The following TFEC variants were observed in gnomAD, a reference collection of about 807,000 sequenced individuals.
TFEC encodes class E basic helix-loop-helix protein 34.
Under a neutral mutation model 41.6 loss-of-function variants are expected in TFEC, and 31 were observed. The ratio of observed to expected loss-of-function variants is 0.74; its 90% CI spans 0.56 to 1.01. TFEC has a LOEUF of 1.01. Among genes scored for constraint, TFEC ranks in the 50% least tolerant of loss-of-function variants. The pLI is 0.00. For missense variants in TFEC, 402 were observed against 404.1 expected (o/e 0.99, Z 0.04); for synonymous variants, 143 against 140.6 (o/e 1.02, Z -0.12).
chr7:116,062,176 T>G (rs575417187), intron 3 of TFEC, among the ~76,000 whole-genome samples: 53 of 140,746 alleles, frequency 3.8e-4, no homozygotes, highest in African/African-American at 1.0e-3. Context: ...TTCTTGTGCC[T>G]CAGCCTCCCA....
chr7:116,072,497 C>A (rs1337773082), intron 3 of TFEC, among the ~76,000 whole-genome samples: 1 of 151,574 alleles, frequency 6.6e-6, no homozygotes, highest in Non-Finnish European at 1.5e-5. Context: ...CTAATGAAAG[C>A]AGATATTTAT....
intron 3 of TFEC, among the ~76,000 whole-genome samples, chr7:116,081,298 C>G (rs941159432): frequency 6.7e-6 from 1 of 150,194 alleles, no homozygotes; most frequent in Non-Finnish European, 1.5e-5. Context: ...GCACCAAAAT[C>G]TCAGAAATAA....
rs754785513 is a variant in TFEC, at chr7:116,118,400, G to A, written c.-68-6362C>T. Among the ~76,000 whole-genome samples the A allele has an allele frequency of 7.2e-5, 11 of 151,846 alleles. No homozygotes were observed. In the East Asian group the frequency reaches 9.7e-4, roughly 13 times the overall value. On this transcript the variant is annotated intron_variant, in intron 1 of 8. Transcript: ENST00000484212. ...TTTTTATTAAGCTCTTCAATAAAAC[G>A]TTTGTATTCAGTTATGTATAAAAAA...
intron 3 of TFEC, among the ~76,000 whole-genome samples, chr7:116,065,970 G>A (rs565846719): frequency 6.6e-6 from 1 of 152,208 alleles, no homozygotes; most frequent in South Asian, 2.1e-4. Context: ...ACCCGATTGA[G>A]GTTATTGGAT....
intron 3 of TFEC, among the ~76,000 whole-genome samples, chr7:116,052,805 C>T (rs1796343438): frequency 6.6e-6 from 1 of 151,682 alleles, no homozygotes; most frequent in Non-Finnish European, 1.5e-5. Flanking sequence ...CGCAGTGGCT[C>T]ACGCCTGTAA....
rs144630756 is a variant in TFEC at position 115,956,411 on chromosome 7, A to G, written c.382+268T>C. Reference sequence around the variant, plus strand: ...AGCTGTCTTTTATATATGTATGTATATATGTGTGTATATACATGTATATAT... The same window carrying G: ...AGCTGTCTTTTATATATGTATGTATGTATGTGTGTATATACATGTATATAT... On this transcript the variant is annotated intron_variant, in intron 4 of 7. Transcript: ENST00000265440. 3.1e-3 allele frequency among the ~76,000 whole-genome samples: 471 copies of G among 152,036 alleles called. 9 individuals carry two copies. The highest frequency in any genetic ancestry group is 0.026 in the Admixed American group (394 of 15,214).
chr7:116,080,976 A>AGTGTGTGTGTGTGT (rs60317630), intron 3 of TFEC, among the ~76,000 whole-genome samples: 23 of 138,014 alleles, frequency 1.7e-4, no homozygotes, highest in African/African-American at 5.7e-4. Context: ...AAGAAAATGT[A>AGTGTGTGTGTGTGT]GTGTGTGTGT....
chr7:116,042,992 G>A (rs1796076311), intron 3 of TFEC, among the ~76,000 whole-genome samples: 1 of 152,098 alleles, frequency 6.6e-6, no homozygotes, highest in Non-Finnish European at 1.5e-5. Context: ...TAAAACTTGA[G>A]TCTTTGTACT....
At chr7:116,036,576 G>A (rs1013925612) in intron 3 of TFEC, among the ~76,000 whole-genome samples, 2 of 151,964 alleles carry the variant, frequency 1.3e-5, no homozygotes, top group Admixed American at 1.3e-4. Flanking sequence ...TTACATTAGT[G>A]TTCCCATCAA....
intron 3 of TFEC, among the ~76,000 whole-genome samples, chr7:115,968,902 C>T (rs1424010647): frequency 1.3e-5 from 2 of 151,832 alleles, no homozygotes; most frequent in Non-Finnish European, 2.9e-5. Context: ...TAGGCAATAA[C>T]AGTCTCTATC....
intron 3 of TFEC, among the ~76,000 whole-genome samples, chr7:116,068,147 A>T (rs1045968189): frequency 1.3e-5 from 2 of 151,902 alleles, no homozygotes; most frequent in South Asian, 4.1e-4. Flanking sequence ...CTGCAAAATG[A>T]AATAACAATT....
At chr7:115,947,555 A>G (rs541284790) in intron 6 of TFEC, among the ~76,000 whole-genome samples, 13 of 151,466 alleles carry the variant, frequency 8.6e-5, no homozygotes, top group Non-Finnish European at 1.8e-4. Flanking sequence ...AAGTGTTCCT[A>G]TTTCTCCACA....
chr7:115,940,663 T>TCATCCAATAGCATGC lies in TFEC; in HGVS notation c.917_931dup (p.Gly306_Asp310dup), dbSNP rs1485946795. On this transcript the variant is annotated inframe_insertion, in exon 8 of 8. Transcript: ENST00000265440. ...ATCTGTTCCAAATGGAGAGATTGTGTCATCCAATAGCATGCCATCCAATCT... is the reference window on the plus strand; with the variant it reads ...ATCTGTTCCAAATGGAGAGATTGTGTCATCCAATAGCATGCCATCCAATAGCATGCCATCCAATCT... 1 of 1,613,492 alleles carries TCATCCAATAGCATGC rather than the reference T, an allele frequency of 6.2e-7. No homozygotes were observed. Among genetic ancestry groups the TCATCCAATAGCATGC allele is most frequent in the Non-Finnish European group, 8.5e-7 (1 of 1,179,664 alleles).
At chr7:116,051,378 A>G (rs1796308496) in intron 3 of TFEC, among the ~76,000 whole-genome samples, 1 of 152,234 alleles carries the variant, frequency 6.6e-6, no homozygotes, top group African/African-American at 2.4e-5. Flanking sequence ...ACTGAGGGAT[A>G]AGAGTTCAAG....
intron 2 of TFEC, among the ~76,000 whole-genome samples, chr7:115,979,130 G>C (rs1240424774): frequency 6.6e-6 from 1 of 152,088 alleles, no homozygotes; most frequent in Non-Finnish European, 1.5e-5. Context: ...ACTCCCAGCT[G>C]TTCCCTATCC....
intron 2 of TFEC, among the ~76,000 whole-genome samples, chr7:115,979,461 G>A (rs974739832): frequency 9.2e-5 from 14 of 151,596 alleles, no homozygotes; most frequent in African/African-American, 3.4e-4. Flanking sequence ...TTTTTCTCTT[G>A]CCCTCAACCT....
chr7:116,043,204 T>C lies in TFEC; in HGVS notation c.199-58691A>G, dbSNP rs1032740492. ...GATGGGACTACTAAATTTAATAGTG[T>C]ATCTTATGAACATATGTGGATATAA... On this transcript the variant is annotated intron_variant, in intron 3 of 8. Transcript: ENST00000484212. Among the ~76,000 whole-genome samples, 7 of 152,296 alleles carry C rather than the reference T, an allele frequency of 4.6e-5. No homozygotes were observed. In the East Asian group the frequency reaches 1.4e-3, roughly 29 times the overall value.
At chr7:116,125,724 T>G (rs993083111) in intron 1 of TFEC, among the ~76,000 whole-genome samples, 10 of 152,150 alleles carry the variant, frequency 6.6e-5, no homozygotes, top group African/African-American at 2.4e-4. Context: ...AACTCAAAAC[T>G]AATGCCATTT....
intron 1 of TFEC, among the ~76,000 whole-genome samples, chr7:116,028,848 G>T (rs757099819): frequency 1.3e-5 from 2 of 152,062 alleles, no homozygotes; most frequent in African/African-American, 4.8e-5. Context: ...AGAATATTTT[G>T]TTTCTTTCAG....
Sources: allele counts gnomAD v4.1 joint callset (sites outside exome capture counted in the v4.1 genomes callset), GRCh38; gene constraint gnomAD v4.1.1; transcripts MANE v1.5; gene names NCBI Gene and HGNC (gene_info 2026-07-23, HGNC 2026-07-21).